Variants in TMEM74 observed in about 807,000 individuals in gnomAD.
TMEM74 encodes transmembrane protein 74.
TMEM74 carries 13 observed loss-of-function variants against 18.1 expected under a neutral mutation model. That is an observed-to-expected ratio of 0.72 (90% CI 0.47 to 1.14). TMEM74 has a LOEUF of 1.14. Ranked by LOEUF, TMEM74 falls within the 50% of genes most tolerant of loss-of-function variation. The pLI is 0.00. For missense variants in TMEM74, 372 were observed against 375.9 expected, an observed-to-expected ratio of 0.99 and a Z score of 0.09; for synonymous variants, 159 against 146.6, an observed-to-expected ratio of 1.08 and a Z score of -0.61.
At chr8:108,706,363 A>T (rs1813396117) in intron 1 of TMEM74, among the ~76,000 whole-genome samples, 1 of 152,168 alleles carries the variant, frequency 6.6e-6, no homozygotes, top group South Asian at 2.1e-4. Flanking sequence ...ACACACTCAA[A>T]CATACTAGGC....
intron 1 of TMEM74, among the ~76,000 whole-genome samples, chr8:108,667,280 A>G (rs1812958165): frequency 6.6e-6 from 1 of 152,184 alleles, no homozygotes; most frequent in South Asian, 2.1e-4. Context: ...TCAGGGAAGC[A>G]GAAAAAATGA....
chr8:108,786,652 A>G (rs556960936), intron 1 of TMEM74, among the ~76,000 whole-genome samples: 1 of 152,228 alleles, frequency 6.6e-6, no homozygotes, highest in Non-Finnish European at 1.5e-5. Flanking sequence ...AATCACTACT[A>G]AACTAGAACA....
intron 1 of TMEM74, among the ~76,000 whole-genome samples, chr8:108,741,938 C>A (rs1296435602): frequency 1.3e-5 from 2 of 152,030 alleles, no homozygotes; most frequent in Non-Finnish European, 2.9e-5. Context: ...AAATATGGTA[C>A]AAATATACCA....
chr8:108,710,777 T>C (rs551121055), intron 1 of TMEM74, among the ~76,000 whole-genome samples: 4 of 152,172 alleles, frequency 2.6e-5, no homozygotes, highest in Non-Finnish European at 5.9e-5. Flanking sequence ...CTCCCCACTG[T>C]CCATCTGCAA....
intron 1 of TMEM74, among the ~76,000 whole-genome samples, chr8:108,689,764 T>A (rs1431106576): frequency 6.6e-6 from 1 of 152,154 alleles, no homozygotes; most frequent in Non-Finnish European, 1.5e-5. Context: ...AATCACCTAA[T>A]GAAGTCAGAT....
intron 1 of TMEM74, among the ~76,000 whole-genome samples, chr8:108,695,207 C>T (rs77043470): frequency 0.029 from 4,469 of 152,278 alleles, 122 homozygotes; most frequent in African/African-American, 0.066. Flanking sequence ...TGGGATTTTA[C>T]TTCTGCTTCT....
chr8:108,613,378 C>T (rs1167361639), intron 2 of TMEM74, among the ~76,000 whole-genome samples: 1 of 152,202 alleles, frequency 6.6e-6, no homozygotes, highest in Admixed American at 6.5e-5. Flanking sequence ...GATGAAGCTC[C>T]CCATGTGTGC....
intron 1 of TMEM74, among the ~76,000 whole-genome samples, chr8:108,762,470 T>C (rs1286999978): frequency 1.3e-5 from 2 of 152,124 alleles, no homozygotes; most frequent in African/African-American, 2.4e-5. Flanking sequence ...TTTCAGTTCC[T>C]TTGTTTATCT....
intron 1 of TMEM74, among the ~76,000 whole-genome samples, chr8:108,668,323 ATT>A (rs1229447555): frequency 6.6e-6 from 1 of 152,202 alleles, no homozygotes; most frequent in Non-Finnish European, 1.5e-5. Context: ...ATAAAGGCAC[ATT>A]TATATTATCT....
intron 1 of TMEM74, among the ~76,000 whole-genome samples, chr8:108,678,074 A>T (rs552995780): frequency 6.6e-6 from 1 of 152,138 alleles, no homozygotes; most frequent in South Asian, 2.1e-4. Context: ...CTTGGAGGGG[A>T]TGCTACTTAA....
rs540348537 is a variant in TMEM74 at position 108,693,165 on chromosome 8, T to G, written n.120-37728A>C. Among the ~76,000 whole-genome samples, 5 of 152,256 alleles carry G rather than the reference T, an allele frequency of 3.3e-5. No individual in the cohort carries two copies. In the South Asian group the frequency reaches 1.0e-3, roughly 32 times the overall value. Reference sequence around the variant, plus strand: ...TTGTATTTGTCATAAGAGCTACACATAAGCCGGTATGGCTGGAGTATTATA... The same window carrying G: ...TTGTATTTGTCATAAGAGCTACACAGAAGCCGGTATGGCTGGAGTATTATA... On this transcript the variant is annotated intron_variant and non_coding_transcript_variant, in intron 1 of 3. Coordinates refer to the TMEM74 transcript ENST00000518838.
At chr8:108,754,760 A>T (rs907230121) in intron 1 of TMEM74, among the ~76,000 whole-genome samples, 1 of 151,762 alleles carries the variant, frequency 6.6e-6, no homozygotes, top group Non-Finnish European at 1.5e-5. Flanking sequence ...ACAATCCACC[A>T]TCTCAAGCTG....
In TMEM74 at chr8:108,782,304, T is replaced by C. The variant is rs971488265; in HGVS notation, c.*1877A>G. On this transcript the variant is annotated 3_prime_UTR_variant, in exon 2 of 2. Transcript: ENST00000297459. ...AAAGTTTGTTCAAAAAGCACAAAAA[T>C]ACAGCAACAGAAAGCAAAAATCATG... Among the ~76,000 whole-genome samples, 9 of 152,136 alleles carry C rather than the reference T, an allele frequency of 5.9e-5. No individual in the cohort carries two copies. The highest frequency in any genetic ancestry group is 2.2e-4 in the African/African-American group (9 of 41,420).
At chr8:108,670,010 C>A (rs1003655388) in intron 1 of TMEM74, among the ~76,000 whole-genome samples, 2 of 136,900 alleles carry the variant, frequency 1.5e-5, no homozygotes, top group Non-Finnish European at 3.0e-5. Flanking sequence ...TGCACTCTAG[C>A]CTGGATGACA....
intron 1 of TMEM74, among the ~76,000 whole-genome samples, chr8:108,751,988 C>T (rs1384445201): frequency 6.6e-6 from 1 of 152,116 alleles, no homozygotes; most frequent in African/African-American, 2.4e-5. Context: ...TGCATGGATG[C>T]TGGGGACTAT....
chr8:108,672,954 T>C (rs1463790957), intron 1 of TMEM74, among the ~76,000 whole-genome samples: 1 of 151,942 alleles, frequency 6.6e-6, no homozygotes, highest in Non-Finnish European at 1.5e-5. Context: ...AGTGAAAGAG[T>C]TGGAATAGTT....
At chr8:108,721,327 C>T (rs558610014) in intron 1 of TMEM74, among the ~76,000 whole-genome samples, 1 of 152,358 alleles carries the variant, frequency 6.6e-6, no homozygotes, top group Non-Finnish European at 1.5e-5. Flanking sequence ...AGCTGGGACA[C>T]ACTAGCATAG....
chr8:108,649,381 T>G (rs917619263), intron 2 of TMEM74, among the ~76,000 whole-genome samples: 3 of 152,136 alleles, frequency 2.0e-5, no homozygotes, highest in Non-Finnish European at 2.9e-5. Context: ...GAAAACTAGA[T>G]GGCAAATAAA....
chr8:108,780,449 C>T lies in TMEM74; in HGVS notation c.*3732G>A, dbSNP rs953112616. Among the ~76,000 whole-genome samples the T allele has an allele frequency of 1.3e-5, 2 of 152,038 alleles. No individual in the cohort carries two copies. Among genetic ancestry groups the T allele is most frequent in the Non-Finnish European group, 2.9e-5 (2 of 68,010 alleles). ...CCATTGGGTTCAGGCTTTTAATTCTCAATATTTAACTAGCATGGTGCTCAG... is the reference window on the plus strand; with the variant it reads ...CCATTGGGTTCAGGCTTTTAATTCTTAATATTTAACTAGCATGGTGCTCAG... On this transcript the variant is annotated 3_prime_UTR_variant, in exon 2 of 2. Transcript: ENST00000297459.
Sources: allele counts gnomAD v4.1 joint callset (sites outside exome capture counted in the v4.1 genomes callset), GRCh38; gene constraint gnomAD v4.1.1; transcripts MANE v1.5; gene names NCBI Gene and HGNC (gene_info 2026-07-23, HGNC 2026-07-21).